The following NTN1 variants were observed in gnomAD, a reference collection of about 807,000 sequenced individuals.
NTN1 encodes the protein netrin-1.
Under a neutral mutation model 54.2 loss-of-function variants are expected in NTN1, and 11 were observed. The observed-to-expected ratio is 0.20, with a 90% CI of 0.13 to 0.34. The LOEUF (loss-of-function observed/expected upper bound fraction) is 0.34. NTN1 is among the 10% of genes least tolerant of loss of function. NTN1 has a pLI of 1.00. For synonymous variants in NTN1, 371 were observed against 382.0 expected, an observed-to-expected ratio of 0.97 and a Z score of 0.33; for missense variants, 740 against 893.1, an observed-to-expected ratio of 0.83 and a Z score of 2.18.
rs115492932 is a variant in NTN1 at position 9,205,850 on chromosome 17, C to A, written c.1412-15318C>A. On this transcript the variant is annotated intron_variant, in intron 5 of 6. Coordinates refer to ENST00000173229, the MANE Select transcript of NTN1 (RefSeq NM_004822.3). ...TCCTGTGTGTAATGGCCATGGCCGT[C>A]CTAATACCACCCGAACTGCCTCTTC... 7.4e-3 allele frequency among the ~76,000 whole-genome samples: 1,131 copies of A among 152,384 alleles called. 19 individuals are homozygous for A. The highest frequency in any genetic ancestry group is 0.026 in the African/African-American group (1,078 of 41,592).
chr17:9,062,863 A>C (rs774655941), intron 2 of NTN1, among the ~76,000 whole-genome samples: 10 of 151,602 alleles, frequency 6.6e-5, no homozygotes, highest in Non-Finnish European at 1.3e-4. Flanking sequence ...AGCATTTGCC[A>C]GCGTCGCCCT....
At chr17:9,164,481 G>A (rs1186634882) in intron 3 of NTN1, among the ~76,000 whole-genome samples, 1 of 151,874 alleles carries the variant, frequency 6.6e-6, no homozygotes, top group Non-Finnish European at 1.5e-5. Context: ...TAACAAAGTA[G>A]GGGGCTTCTT....
At chr17:9,178,359 G>A (rs995252709) in intron 3 of NTN1, among the ~76,000 whole-genome samples, 32 of 152,162 alleles carry the variant, frequency 2.1e-4, no homozygotes, top group African/African-American at 7.2e-4. Context: ...CCCCAGCCCT[G>A]GGACCCTCAC....
upstream of NTN1, among the ~76,000 whole-genome samples, chr17:9,017,189 T>C (rs938674731): frequency 1.4e-4 from 22 of 152,142 alleles, no homozygotes; most frequent in African/African-American, 5.1e-4. Flanking sequence ...AATCCCAACC[T>C]TCCCTCAATC....
At chr17:9,091,983 CG>C (rs1461805372) in intron 2 of NTN1, among the ~76,000 whole-genome samples, 1 of 151,962 alleles carries the variant, frequency 6.6e-6, no homozygotes, top group Non-Finnish European at 1.5e-5. Context: ...CGGTGACTCC[CG>C]GGTTCAAGCG....
chr17:9,084,645 GTTTTTTTTTTTT>G (rs35003160), intron 2 of NTN1, among the ~76,000 whole-genome samples: 1 of 83,318 alleles, frequency 1.2e-5, no homozygotes, highest in Non-Finnish European at 2.4e-5. Flanking sequence ...GTTCTTTGCA[GTTTTTTTTTTTT>G]TTTTTTTTTT....
At chr17:9,126,097 A>G (rs774840883) in intron 2 of NTN1, among the ~76,000 whole-genome samples, 8 of 152,264 alleles carry the variant, frequency 5.3e-5, no homozygotes, top group Non-Finnish European at 1.0e-4. Flanking sequence ...GGGTGGAGAC[A>G]AGAGAAATCC....
chr17:9,015,358 C>G, the NTN1 span, among the ~76,000 whole-genome samples: 1 of 152,104 alleles, frequency 6.6e-6, no homozygotes, highest in South Asian at 2.1e-4. Flanking sequence ...CTGCAATGAG[C>G]CAAGATCGTG....
chr17:9,166,129 G>A (rs9893693), intron 3 of NTN1, among the ~76,000 whole-genome samples: 31,253 of 147,878 alleles, frequency 0.21, 3,655 homozygotes, highest in East Asian at 0.34. Flanking sequence ...TTCAAACAGG[G>A]GTCTCCTGGT....
chr17:9,127,055 G>C (rs1462960575), intron 2 of NTN1, among the ~76,000 whole-genome samples: 1 of 137,460 alleles, frequency 7.3e-6, no homozygotes, highest in Non-Finnish European at 1.6e-5. Flanking sequence ...GGGCAGGAGT[G>C]AGATTGTGGT....
rs550684750 is a variant in NTN1 at position 9,243,530 on chromosome 17, T to TG, written c.*3566dup. The TG allele has an allele frequency of 1.6e-3, 245 of 152,304 alleles. No individual in the cohort carries two copies. Among genetic ancestry groups the TG allele is most frequent in the African/African-American group, 5.7e-3 (238 of 41,564 alleles). The allele number at this position is 152,304 out of a possible 1,614,324, so 9.4% of individuals were successfully genotyped here. A position where few individuals can be genotyped will look rare whatever the true frequency, so the allele number is the denominator to read the frequency against. ...AGAGTGGACAGACTAGACCCATTGA[T>TG]GGGGCCACTGGCCATGGTCCGTGGA... is the stretch of plus-strand genomic sequence containing the variant. On this transcript the variant is annotated 3_prime_UTR_variant, in exon 7 of 7. Coordinates refer to ENST00000173229, the MANE Select transcript of NTN1 (RefSeq NM_004822.3).
At chr17:9,064,538 C>T (rs1295891052) in intron 2 of NTN1, among the ~76,000 whole-genome samples, 1 of 152,204 alleles carries the variant, frequency 6.6e-6, no homozygotes, top group East Asian at 1.9e-4. Flanking sequence ...CTCCCCCATC[C>T]CCAATCAGTT....
At chr17:9,157,461 G>GC (rs2092346139) in intron 2 of NTN1, among the ~76,000 whole-genome samples, 1 of 152,236 alleles carries the variant, frequency 6.6e-6, no homozygotes, top group Admixed American at 6.5e-5. Flanking sequence ...GTAAGGAGTG[G>GC]CCACAGGCAT....
At chr17:9,006,247 G>T in the NTN1 span, among the ~76,000 whole-genome samples, 1 of 152,196 alleles carries the variant, frequency 6.6e-6, no homozygotes, top group East Asian at 1.9e-4. Context: ...GTAAAACTGG[G>T]CAGGCTTCTC....
chr17:9,198,112 G>C (rs1904686898), intron 5 of NTN1, among the ~76,000 whole-genome samples: 1 of 152,202 alleles, frequency 6.6e-6, no homozygotes, highest in Non-Finnish European at 1.5e-5. Flanking sequence ...AGGGATTCTT[G>C]TGTGGGTGAT....
rs1037046053 is a variant in NTN1 at position 9,162,678 on chromosome 17, G to A, written c.1019-135G>A. 3.8e-6 allele frequency: 3 copies of A among 799,266 alleles called. No homozygotes were observed. In the African/African-American group the frequency reaches 5.1e-5, roughly 14 times the overall value. The allele number at this position is 799,266 out of a possible 1,614,324, so 49.5% of individuals were successfully genotyped here. A position where few individuals can be genotyped will look rare whatever the true frequency, so the allele number is the denominator to read the frequency against. ...CAGGAGGAGCCGAGGAGGAGCTCCTGGAGCACAAGTCTGCCTGCCTGGCTC... is the reference window on the plus strand; with the variant it reads ...CAGGAGGAGCCGAGGAGGAGCTCCTAGAGCACAAGTCTGCCTGCCTGGCTC... On this transcript the variant is annotated intron_variant, in intron 2 of 6. Coordinates refer to ENST00000173229, the MANE Select transcript of NTN1 (RefSeq NM_004822.3).
chr17:9,048,557 C>A (rs1238619870), intron 2 of NTN1, among the ~76,000 whole-genome samples: 1 of 152,148 alleles, frequency 6.6e-6, no homozygotes, highest in Non-Finnish European at 1.5e-5. Flanking sequence ...TCCTTTGAAG[C>A]TAGGCATTGA....
intron 2 of NTN1, among the ~76,000 whole-genome samples, chr17:9,060,462 C>T (rs972056218): frequency 4.6e-5 from 7 of 152,108 alleles, no homozygotes; most frequent in Non-Finnish European, 7.4e-5. Context: ...AAAAGTTATA[C>T]GCGGGTTTTT....
At chr17:9,184,988 T>C (rs2092429113) in intron 5 of NTN1, among the ~76,000 whole-genome samples, 1 of 152,240 alleles carries the variant, frequency 6.6e-6, no homozygotes, top group South Asian at 2.1e-4. Flanking sequence ...TTTCCTTTCC[T>C]CATTCTGAAC....
Sources: allele counts gnomAD v4.1 joint callset (sites outside exome capture counted in the v4.1 genomes callset), GRCh38; gene constraint gnomAD v4.1.1; transcripts MANE v1.5; gene names NCBI Gene and HGNC (gene_info 2026-07-23, HGNC 2026-07-21).